Variants in WDR11 observed in about 807,000 individuals in gnomAD.
WDR11 encodes the protein WD repeat domain 11.
Under a neutral mutation model 151.2 loss-of-function variants are expected in WDR11, and 83 were observed. The observed-to-expected ratio is 0.55, with a 90% CI of 0.46 to 0.66. WDR11 has a LOEUF of 0.66. Among genes scored for constraint, WDR11 ranks in the 30% least tolerant of loss-of-function variants. WDR11 has a pLI of 0.00. For synonymous variants in WDR11, 484 were observed against 533.1 expected (o/e 0.91, Z 1.27); for missense variants, 1,301 against 1,480.9 (o/e 0.88, Z 1.99).
chr10:120,859,185 A>C (rs931430233), intron 3 of WDR11, among the ~76,000 whole-genome samples: 2 of 152,158 alleles, frequency 1.3e-5, no homozygotes, highest in Non-Finnish European at 2.9e-5. Context: ...GAGATGAACA[A>C]AATTTTATTC....
Position 120,903,074 on chromosome 10 carries a change from G to C in WDR11, c.2773G>C (p.Glu925Gln), listed in dbSNP as rs758917172. The change falls in exon 23 of 29, where the codon GAG (glutamate) becomes CAG (glutamine). Residue 925 changes from glutamate (E) to glutamine (Q), a missense_variant. Around this residue, in one of 3 missense-constraint regions of WDR11, gnomAD observed 589 missense variants for 670.6 expected, o/e 0.88. Transcript: ENST00000263461. The part of the protein sequence containing the change: ...LVSRLYGDES[E>Q]LHFWTVAAHY... ...TGCCAGGCTCTATGGTGATGAATCGGAGCTGCACTTCTGGACTGTCGCTGC... is the reference window on the plus strand; with the variant it reads ...TGCCAGGCTCTATGGTGATGAATCGCAGCTGCACTTCTGGACTGTCGCTGC... The C allele has an allele frequency of 9.3e-6, 15 of 1,614,014 alleles. No homozygotes were observed. The highest frequency in any genetic ancestry group is 1.3e-5 in the Non-Finnish European group (15 of 1,180,022).
chr10:120,904,501 G>GT, intron 24 of WDR11, 145 bp from the exon 25 acceptor site: 2 of 1,035,408 alleles, frequency 1.9e-6, no homozygotes, highest in Non-Finnish European at 2.9e-6. Context: ...TAGCACCTCT[G>GT]TTTAATGTTT....
intron 19 of WDR11, among the ~76,000 whole-genome samples, chr10:120,898,650 G>A (rs1480946957): frequency 2.0e-5 from 3 of 152,154 alleles, no homozygotes; most frequent in Non-Finnish European, 4.4e-5. Flanking sequence ...CTGTTCTCAC[G>A]ATAGTAAGTG....
At chr10:120,852,014 AC>A in intron 1 of WDR11, 1 of 210,388 alleles carries the variant, frequency 4.8e-6, no homozygotes, top group Non-Finnish European at 9.6e-6. Flanking sequence ...CGTCTTTATT[AC>A]TCTCTCCTTT....
Position 120,901,112 on chromosome 10 carries a change from G to A in WDR11, c.2687+14G>A. ...TTCATTGTCTAAGTAAGCACTCCAT[G>A]TTTCATTAGAAGATAGGAATATGAG... is the stretch of plus-strand genomic sequence containing the variant. On this transcript the variant is annotated intron_variant, in intron 21 of 28. Coordinates refer to ENST00000263461, the MANE Select transcript of WDR11 (RefSeq NM_018117.12). 2 of 1,586,950 alleles carry A rather than the reference G, an allele frequency of 1.3e-6. No homozygotes were observed. Among genetic ancestry groups the A allele is most frequent in the Non-Finnish European group, 8.7e-7 (1 of 1,155,624 alleles).
In WDR11 at chr10:120,860,109, A is replaced by G. The variant is rs1267765362; in HGVS notation, c.353A>G (p.Asp118Gly). The G allele has an allele frequency of 6.2e-7, 1 of 1,614,084 alleles. No homozygotes were observed. The highest frequency in any genetic ancestry group is 8.5e-7 in the Non-Finnish European group (1 of 1,180,014). ...EIQEHAKPIQDVQWLWNQDAS... is the reference protein window; with the variant it reads ...EIQEHAKPIQGVQWLWNQDAS... ...GCCTTTCTTTATCGGGTCTTTCCAG[A>G]TGTTCAGTGGTTGTGGAATCAAGAT... is the stretch of plus-strand genomic sequence containing the variant. The change falls in exon 4 of 29, where the codon GAT (aspartate) becomes GGT (glycine). Residue 118 changes from aspartate (D) to glycine (G), a missense_variant and splice_region_variant. Around this residue, in one of 3 missense-constraint regions of WDR11, gnomAD observed 692 missense variants for 762.5 expected, o/e 0.91. Coordinates refer to ENST00000263461, the MANE Select transcript of WDR11 (RefSeq NM_018117.12).
Position 120,886,823 on chromosome 10 carries a change from G to A in WDR11, c.2108G>A (p.Arg703Gln), listed in dbSNP as rs753696030. The part of the protein sequence containing the change: ...VEGNSVKDSA[R>Q]IPPDGSMGSI... ...GGAAACTCAGTAAAAGACAGTGCTC[G>A]GATTCCACCAGATGTGAGTACAACC... Residue 703 changes from arginine (R) to glutamine (Q), a missense_variant, in exon 16 of 29, where the codon CGG becomes CAG. Transcript: ENST00000263461. The A allele has an allele frequency of 2.6e-5, 42 of 1,613,800 alleles. No homozygotes were observed. The East Asian group carries it at 7.6e-4, about 29-fold the overall frequency.
chr10:120,881,897 T>C (rs756363592), intron 13 of WDR11, among the ~76,000 whole-genome samples: 1 of 152,008 alleles, frequency 6.6e-6, no homozygotes, highest in Admixed American at 6.5e-5. Context: ...AACTGAGATG[T>C]CAGCTACGAG....
chr10:120,877,392 C>T (rs556082589), intron 11 of WDR11, among the ~76,000 whole-genome samples: 1 of 152,234 alleles, frequency 6.6e-6, no homozygotes, highest in African/African-American at 2.4e-5. Context: ...ACACTAAAAT[C>T]CTGCTTTGTG....
intron 11 of WDR11, among the ~76,000 whole-genome samples, chr10:120,877,550 C>T (rs1165899545): frequency 2.0e-5 from 3 of 152,074 alleles, no homozygotes; most frequent in Non-Finnish European, 4.4e-5. Context: ...ACCTGGGAGG[C>T]AGAGGTTGCA....
Position 120,886,827 on chromosome 10 carries a change from T to C in WDR11, c.2112T>C (p.Ile704=). ...EGNSVKDSAR[I]PPDGSMGSIT... is the part of the protein sequence containing the mutation. Reference sequence around the variant, plus strand: ...ACTCAGTAAAAGACAGTGCTCGGATTCCACCAGATGTGAGTACAACCTTGA... The same window carrying C: ...ACTCAGTAAAAGACAGTGCTCGGATCCCACCAGATGTGAGTACAACCTTGA... Residue 704 remains isoleucine (I), a synonymous_variant, in exon 16 of 29, where the codon ATT becomes ATC. Coordinates refer to ENST00000263461, the MANE Select transcript of WDR11 (RefSeq NM_018117.12). 1 of 1,614,082 alleles carries C rather than the reference T, an allele frequency of 6.2e-7. No homozygotes were observed. Among genetic ancestry groups the C allele is most frequent in the Non-Finnish European group, 8.5e-7 (1 of 1,179,974 alleles).
At chr10:120,893,026 T>A (rs1280988573) in intron 19 of WDR11, among the ~76,000 whole-genome samples, 4 of 151,910 alleles carry the variant, frequency 2.6e-5, no homozygotes, top group Non-Finnish European at 5.9e-5. Context: ...ATTTTATTAT[T>A]ATTATACTTT....
chr10:120,871,214 C>T lies in WDR11; in HGVS notation c.1339C>T (p.Leu447=), dbSNP rs1241843461. 1 of 1,614,050 alleles carries T rather than the reference C, an allele frequency of 6.2e-7. No homozygotes were observed. The highest frequency in any genetic ancestry group is 1.3e-5 in the African/African-American group (1 of 74,932). The change falls in exon 10 of 29, where the codon CTG becomes TTG. Residue 447 remains leucine, a synonymous_variant. Transcript: ENST00000263461. ...GGAAGAACATCCCAGAGGTTCAATTCTGCGGGAAGTGCACCTCAAGTTCCT... is the reference window on the plus strand; with the variant it reads ...GGAAGAACATCCCAGAGGTTCAATTTTGCGGGAAGTGCACCTCAAGTTCCT... ...AGEEHPRGSI[L]REVHLKFLLT...
intron 11 of WDR11, among the ~76,000 whole-genome samples, chr10:120,876,269 C>T (rs898586471): frequency 1.3e-5 from 2 of 152,074 alleles, no homozygotes; most frequent in African/African-American, 2.4e-5. Flanking sequence ...CGTGAGCCAC[C>T]GCGCCAGGCC....
chr10:120,900,096 C>T lies in WDR11; in HGVS notation c.2583C>T (p.His861=), dbSNP rs1225899971. 2 of 1,614,062 alleles carry T rather than the reference C, an allele frequency of 1.2e-6. No individual in the cohort carries two copies. The highest frequency in any genetic ancestry group is 8.5e-7 in the Non-Finnish European group (1 of 1,179,936). Residue 861 remains histidine, a synonymous_variant, in exon 20 of 29, where the codon CAC becomes CAT. Transcript: ENST00000263461. Reference sequence around the variant, plus strand: ...TTGCCTTGAAAGCCTTCTTATTACACCAGCCTTGGAATGGACAGTATTCTT... The same window carrying T: ...TTGCCTTGAAAGCCTTCTTATTACATCAGCCTTGGAATGGACAGTATTCTT... ...ASLALKAFLL[H]QPWNGQYSLD...
intron 18 of WDR11, among the ~76,000 whole-genome samples, chr10:120,890,269 A>G (rs571474973): frequency 2.0e-5 from 3 of 151,966 alleles, no homozygotes; most frequent in South Asian, 4.2e-4. Flanking sequence ...CTGGAGTGCA[A>G]TGGCGCGATC....
At chr10:120,865,357 G>GTT (rs61185015) in intron 6 of WDR11, 145 bp downstream of exon 6, 169 of 848,298 alleles carry the variant, frequency 2.0e-4, no homozygotes, top group Middle Eastern at 1.8e-3. Flanking sequence ...ATTTTAGATT[G>GTT]TTTTTTTTGT....
rs55842447 is a variant in WDR11 at position 120,906,467 on chromosome 10, A to G, written c.3438-309A>G. The G allele has an allele frequency of 4.4e-3, 5,622 of 1,273,454 alleles. 13 individuals are homozygous for G. The highest frequency in any genetic ancestry group is 5.2e-3 in the Non-Finnish European group (5,229 of 1,002,028). The allele number at this position is 1,273,454 out of a possible 1,614,324, so 78.9% of individuals were successfully genotyped here. On this transcript the variant is annotated intron_variant, in intron 27 of 28. Transcript: ENST00000263461. ...AAACTAAGGGAGGTAGATTACGGAA[A>G]TATGACAAAAGATTACTTGTCAACT...
At chr10:120,858,517 T>C in intron 2 of WDR11, 126 bp from the exon 3 acceptor site, 1 of 1,166,742 alleles carries the variant, frequency 8.6e-7, no homozygotes, top group Non-Finnish European at 1.2e-6. Context: ...ACCAGTTTTC[T>C]GTTTATTCTT....
Sources: allele counts gnomAD v4.1 joint callset (sites outside exome capture counted in the v4.1 genomes callset), GRCh38; gene constraint gnomAD v4.1.1; regional missense constraint gnomAD v4.1.1; transcripts MANE v1.5; gene names NCBI Gene and HGNC (gene_info 2026-07-23, HGNC 2026-07-21).